Variants in ART1 observed in about 807,000 individuals in gnomAD.
ART1 encodes GPI-linked NAD(P)(+)--arginine ADP-ribosyltransferase 1.
In ART1, 29 loss-of-function variants were observed where a neutral mutation model predicts 27.0. That is an observed-to-expected ratio of 1.08 (90% confidence interval 0.80 to 1.47). The LOEUF is 1.47. Ranked by LOEUF, ART1 falls within the 40% of genes most tolerant of loss-of-function variation. The pLI, the probability that ART1 is intolerant of heterozygous loss-of-function variation, is 0.00. For missense variants in ART1, 480 were observed against 423.0 expected (o/e 1.13, Z -1.18); for synonymous variants, 201 against 172.2 (o/e 1.17, Z -1.31).
At chr11:3,655,835 AT>A (rs1369726168) in intron 1 of ART1, among the ~76,000 whole-genome samples, 12 of 151,876 alleles carry the variant, frequency 7.9e-5, no homozygotes, top group Admixed American at 7.9e-4. Flanking sequence ...ACCTGAGCCC[AT>A]GACTGGATTC....
At chr11:3,658,201 C>T (rs1231097481) in intron 1 of ART1, among the ~76,000 whole-genome samples, 1 of 151,620 alleles carries the variant, frequency 6.6e-6, no homozygotes, top group Non-Finnish European at 1.5e-5. Flanking sequence ...GGTGTGGAGG[C>T]GGGCACCTCT....
intron 3 of ART1, among the ~76,000 whole-genome samples, chr11:3,661,171 T>C (rs1176688705): frequency 2.0e-5 from 3 of 152,120 alleles, no homozygotes; most frequent in Non-Finnish European, 2.9e-5. Flanking sequence ...CTGGCTCTGA[T>C]GGCCCACTCC....
At chr11:3,645,314 C>A (rs2077463725) in intron 1 of ART1, 135 bp downstream of exon 1, 1 of 151,994 alleles carries the variant, frequency 6.6e-6, no homozygotes, top group Non-Finnish European at 1.5e-5. Flanking sequence ...GTTTGGGATA[C>A]CTAGGAAGGT....
At chr11:3,663,529 T>C (rs12284297) in intron 4 of ART1, among the ~76,000 whole-genome samples, 6,968 of 152,222 alleles carry the variant, frequency 0.046, 201 homozygotes, top group Non-Finnish European at 0.068. Flanking sequence ...CCCAATGACC[T>C]CTGGAAGAGA....
Position 3,647,005 on chromosome 11 carries a change from AAAAAC to A in ART1, c.-53+1841_-53+1845del, listed in dbSNP as rs545179929. Among the ~76,000 whole-genome samples the A allele has an allele frequency of 2.0e-5, 3 of 152,282 alleles. No individual in the cohort carries two copies. In the South Asian group the frequency reaches 6.2e-4, roughly 32 times the overall value. Reference sequence around the variant, plus strand: ...TAAATGTTCTTGCTACATGAAAACCAAAAACAAAACAAAACAAAATAAAAATAAAA... The same window carrying A: ...TAAATGTTCTTGCTACATGAAAACCAAAAACAAAACAAAATAAAAATAAAA... On this transcript the variant is annotated intron_variant, in intron 1 of 4. Coordinates refer to ENST00000250693, the MANE Select transcript of ART1 (RefSeq NM_004314.3).
At chr11:3,645,692 C>T (rs1589914236) in intron 1 of ART1, among the ~76,000 whole-genome samples, 2 of 152,276 alleles carry the variant, frequency 1.3e-5, no homozygotes, top group Middle Eastern at 6.8e-3. Context: ...ATGGTCCCTG[C>T]CCTCAAGGAA....
intron 1 of ART1, among the ~76,000 whole-genome samples, chr11:3,653,160 A>C (rs2077539840): frequency 1.4e-5 from 2 of 147,686 alleles, no homozygotes; most frequent in African/African-American, 5.3e-5. Context: ...ACCCCCAAAA[A>C]TTTTCACCGT....
At chr11:3,662,566 C>T (rs143971645) in intron 4 of ART1, among the ~76,000 whole-genome samples, 8 of 152,322 alleles carry the variant, frequency 5.3e-5, no homozygotes, top group African/African-American at 7.2e-5. Flanking sequence ...AAAGAGAGGC[C>T]GGGTGTGGTG....
chr11:3,649,660 C>T (rs1440280553), intron 1 of ART1, among the ~76,000 whole-genome samples: 1 of 152,198 alleles, frequency 6.6e-6, no homozygotes, highest in Non-Finnish European at 1.5e-5. Flanking sequence ...TATCACCTCC[C>T]CTCCTCACAC....
chr11:3,664,060 TC>T, intron 4 of ART1, 31 bp from the exon 5 acceptor site: 1 of 1,606,002 alleles, frequency 6.2e-7, no homozygotes. Context: ...TCTCTCTCTC[TC>T]CCCCAACCTC....
chr11:3,658,616 G>A (rs893063398), intron 1 of ART1, among the ~76,000 whole-genome samples: 2 of 152,184 alleles, frequency 1.3e-5, no homozygotes, highest in Non-Finnish European at 2.9e-5. Context: ...ACTGCAGGGA[G>A]TGGGGGCAAC....
chr11:3,661,490 C>CTTTTTTTTTTTT, intron 4 of ART1, 77 bp downstream of exon 4: 3 of 320,482 alleles, frequency 9.4e-6, no homozygotes, highest in Admixed American at 7.3e-5. Flanking sequence ...TCACCTCGAT[C>CTTTTTTTTTTTT]TTTTTTTTTT....
chr11:3,646,694 TC>T (rs2077471593), intron 1 of ART1, among the ~76,000 whole-genome samples: 1 of 152,156 alleles, frequency 6.6e-6, no homozygotes, highest in Non-Finnish European at 1.5e-5. Context: ...TCTCATCTCT[TC>T]CCTGATTTCA....
At chr11:3,651,738 T>C (rs1054377541) in intron 1 of ART1, among the ~76,000 whole-genome samples, 6 of 151,794 alleles carry the variant, frequency 4.0e-5, no homozygotes, top group African/African-American at 1.5e-4. Flanking sequence ...CTGTACTCAC[T>C]CTATGTTAAG....
Position 3,648,379 on chromosome 11 carries a change from T to C in ART1, c.-53+3200T>C, listed in dbSNP as rs1031990295. 3.9e-5 allele frequency among the ~76,000 whole-genome samples: 6 copies of C among 152,308 alleles called. No homozygotes were observed. The East Asian group carries it at 1.2e-3, about 29-fold the overall frequency. On this transcript the variant is annotated intron_variant, in intron 1 of 4. Transcript: ENST00000250693. ...TCCCCTGTCCTCCTGCTCTTTGCTCTGTGAGAAAGACCCACCTACAACCTC... is the reference window on the plus strand; with the variant it reads ...TCCCCTGTCCTCCTGCTCTTTGCTCCGTGAGAAAGACCCACCTACAACCTC...
chr11:3,660,496 C>T, intron 3 of ART1, 133 bp downstream of exon 3: 1 of 1,040,648 alleles, frequency 9.6e-7, no homozygotes, highest in Non-Finnish European at 1.4e-6. Flanking sequence ...CCACCAGCTC[C>T]CAACCCCTTC....
chr11:3,664,110 T>C lies in ART1; in HGVS notation c.905T>C (p.Leu302Pro). ...CCTGCAGCCATGGGTCAGAGCCCCC[T>C]CTCTGCAGTCTGGTCTTTGCTGCTG... is the stretch of plus-strand genomic sequence containing the variant. Reference protein sequence around the residue: ...LDNSAMGQSPLSAVWSLLLLL... With the variant: ...LDNSAMGQSPPSAVWSLLLLL... Residue 302 changes from leucine to proline, a missense_variant, in exon 5 of 5, where the codon CTC becomes CCC. Transcript: ENST00000250693. 5.0e-6 allele frequency: 8 copies of C among 1,614,020 alleles called. No individual in the cohort carries two copies. The highest frequency in any genetic ancestry group is 6.8e-6 in the Non-Finnish European group (8 of 1,180,012).
Position 3,659,612 on chromosome 11 carries a change from C to T in ART1, c.93C>T (p.Asp31=). Residue 31 remains aspartate, a synonymous_variant, in exon 3 of 5, where the codon GAC becomes GAT. Transcript: ENST00000250693. ...AGAGCCACCCCATCACACGACGAGA[C>T]CTCTTCTCTCAAGAGATTCAGCTGG... is the stretch of plus-strand genomic sequence containing the variant. ...QAQSHPITRR[D]LFSQEIQLDM... 1 of 1,610,596 alleles carries T rather than the reference C, an allele frequency of 6.2e-7. No homozygotes were observed. The highest frequency in any genetic ancestry group is 8.5e-7 in the Non-Finnish European group (1 of 1,178,930).
chr11:3,663,696 C>T (rs1162055172), intron 4 of ART1: 1 of 163,264 alleles, frequency 6.1e-6, no homozygotes, highest in East Asian at 1.8e-4. Flanking sequence ...CTCAAGCGAT[C>T]CTCCCACCTC....
Sources: gnomAD v4.1 joint callset for allele counts (sites outside exome capture counted in the v4.1 genomes callset) on GRCh38, gnomAD v4.1.1 for gene constraint, MANE v1.5 for transcripts, NCBI Gene and HGNC (gene_info 2026-07-23, HGNC 2026-07-21) for gene names.